CALCRL: variants seen among roughly 807,000 people sequenced by gnomAD.
The protein encoded by CALCRL is calcitonin receptor like receptor.
Under a neutral mutation model 60.4 loss-of-function variants are expected in CALCRL, and 27 were observed. The ratio of observed to expected loss-of-function variants is 0.45; its 90% confidence interval spans 0.33 to 0.62. The LOEUF is 0.62. Ranked by LOEUF, CALCRL falls within the 20% of genes least tolerant of loss-of-function variation. CALCRL has a pLI of 0.03. For synonymous variants in CALCRL, 190 were observed against 182.6 expected, an observed-to-expected ratio of 1.04 and a Z score of -0.33; for missense variants, 424 against 540.7, an observed-to-expected ratio of 0.78 and a Z score of 2.14.
intron 1 of CALCRL, among the ~76,000 whole-genome samples, chr2:187,436,417 T>A (rs975220984): frequency 6.6e-6 from 1 of 152,190 alleles, no homozygotes; most frequent in Non-Finnish European, 1.5e-5. Flanking sequence ...CCTGAGAGAC[T>A]GAGACAGATT....
intron 14 of CALCRL, among the ~76,000 whole-genome samples, chr2:187,350,394 TCAAA>T (rs1487159319): frequency 6.6e-6 from 1 of 151,424 alleles, no homozygotes; most frequent in Non-Finnish European, 1.5e-5. Flanking sequence ...AATTTTACTA[TCAAA>T]CAAATGATTT....
At chr2:187,362,935 C>T (rs886516435) in intron 9 of CALCRL, among the ~76,000 whole-genome samples, 2 of 151,918 alleles carry the variant, frequency 1.3e-5, no homozygotes, top group Admixed American at 1.3e-4. Flanking sequence ...TTTCCATGTG[C>T]GTGTACTATT....
intron 1 of CALCRL, among the ~76,000 whole-genome samples, chr2:187,443,468 T>C (rs142106243): frequency 1.3e-5 from 2 of 151,866 alleles, no homozygotes; most frequent in African/African-American, 4.8e-5. Flanking sequence ...GTGGTAAATT[T>C]TGGGTTCTTA....
At chr2:187,375,241 C>T (rs886967783) in intron 8 of CALCRL, among the ~76,000 whole-genome samples, 5 of 140,338 alleles carry the variant, frequency 3.6e-5, no homozygotes, top group African/African-American at 1.1e-4. Context: ...CACTGCAGTC[C>T]GCAGTCCGGC....
chr2:187,404,309 C>G (rs1275004426), intron 1 of CALCRL, among the ~76,000 whole-genome samples: 1 of 151,734 alleles, frequency 6.6e-6, no homozygotes, highest in African/African-American at 2.4e-5. Context: ...ACTAAAGAAG[C>G]AATAGTGTCT....
intron 5 of CALCRL, among the ~76,000 whole-genome samples, chr2:187,381,580 C>G (rs1017185173): frequency 1.3e-5 from 2 of 151,916 alleles, no homozygotes; most frequent in African/African-American, 4.8e-5. Flanking sequence ...CTCAGCCTCC[C>G]AAGTGGCTGG....
In CALCRL at chr2:187,359,223, A is replaced by G. The variant is rs747310715; in HGVS notation, c.831T>C (p.Tyr277=). 85 of 1,591,868 alleles carry G rather than the reference A, an allele frequency of 5.3e-5. No individual in the cohort carries two copies. The highest frequency in any genetic ancestry group is 6.9e-5 in the Non-Finnish European group (80 of 1,167,652). The change falls in exon 11 of 15, where the codon TAT becomes TAC. Residue 277 remains tyrosine (Y), a synonymous_variant. Transcript: ENST00000392370. ...ACIHAIARSL[Y]YNDNCWISSD... is the part of the protein sequence containing the mutation. ...AGAGATTTTCTTACTTGTCATTGTA[A>G]TATAAGCTTCTAGCAATGGCATGTA... is the stretch of plus-strand genomic sequence containing the variant.
intron 8 of CALCRL, among the ~76,000 whole-genome samples, chr2:187,367,809 A>T (rs1687360264): frequency 6.6e-6 from 1 of 152,016 alleles, no homozygotes; most frequent in Non-Finnish European, 1.5e-5. Flanking sequence ...GTGGGTCCAG[A>T]TTGTTTGTAT....
chr2:187,389,595 C>CT (rs950243461), intron 1 of CALCRL, among the ~76,000 whole-genome samples: 12 of 151,926 alleles, frequency 7.9e-5, no homozygotes, highest in Admixed American at 6.6e-4. Flanking sequence ...AGCATAGCAA[C>CT]TTTTTTTTCA....
At chr2:187,375,589 T>C (rs1320908931) in intron 8 of CALCRL, among the ~76,000 whole-genome samples, 1 of 152,198 alleles carries the variant, frequency 6.6e-6, no homozygotes, top group Non-Finnish European at 1.5e-5. Context: ...AATGCATGTA[T>C]TTATTGCACA....
intron 12 of CALCRL, among the ~76,000 whole-genome samples, chr2:187,354,288 A>G (rs1686671296): frequency 6.6e-6 from 1 of 151,964 alleles, no homozygotes; most frequent in African/African-American, 2.4e-5. Context: ...GTAAATCTAT[A>G]CAGTGGCTGT....
At chr2:187,398,854 A>G (rs1233127199) in intron 1 of CALCRL, among the ~76,000 whole-genome samples, 1 of 151,690 alleles carries the variant, frequency 6.6e-6, no homozygotes, top group African/African-American at 2.4e-5. Context: ...AGTGAAGGCA[A>G]TTAGCTGAGA....
At chr2:187,367,648 T>C (rs1291176966) in intron 8 of CALCRL, among the ~76,000 whole-genome samples, 1 of 152,104 alleles carries the variant, frequency 6.6e-6, no homozygotes, top group Non-Finnish European at 1.5e-5. Flanking sequence ...TTTTACCTAC[T>C]TTAAATTCTT....
At chr2:187,396,992 A>C (rs191657952) in intron 1 of CALCRL, among the ~76,000 whole-genome samples, 373 of 151,818 alleles carry the variant, frequency 2.5e-3, no homozygotes, top group Non-Finnish European at 4.1e-3. Context: ...TTTAAAATCC[A>C]ACTCAGTCAC....
chr2:187,359,888 ATTTC>A (rs2105725039), intron 10 of CALCRL, among the ~76,000 whole-genome samples: 1 of 152,050 alleles, frequency 6.6e-6, no homozygotes, highest in South Asian at 2.1e-4. Flanking sequence ...CTGTATATGT[ATTTC>A]TTTCTAGATA....
intron 1 of CALCRL, among the ~76,000 whole-genome samples, chr2:187,435,313 A>T (rs1690585199): frequency 6.6e-6 from 1 of 152,128 alleles, no homozygotes; most frequent in Non-Finnish European, 1.5e-5. Flanking sequence ...GAGAGGGAGC[A>T]GAAAGGTCCT....
At chr2:187,413,436 T>TTA (rs1484752333) in intron 1 of CALCRL, among the ~76,000 whole-genome samples, 1 of 152,138 alleles carries the variant, frequency 6.6e-6, no homozygotes, top group Non-Finnish European at 1.5e-5. Context: ...TCTATAACTG[T>TTA]TATATATTTT....
At chr2:187,384,798 G>A (rs765802078) in intron 4 of CALCRL, among the ~76,000 whole-genome samples, 7 of 152,052 alleles carry the variant, frequency 4.6e-5, no homozygotes, top group Non-Finnish European at 8.8e-5. Flanking sequence ...TTAGATGAGA[G>A]TATGTCTCTT....
chr2:187,422,987 G>C (rs1689949767), intron 1 of CALCRL, among the ~76,000 whole-genome samples: 1 of 151,908 alleles, frequency 6.6e-6, no homozygotes, highest in Non-Finnish European at 1.5e-5. Flanking sequence ...TCTGTGTTCA[G>C]AAATGGCATC....
Sources: gnomAD v4.1 joint callset for allele counts (sites outside exome capture counted in the v4.1 genomes callset) on GRCh38, gnomAD v4.1.1 for gene constraint, MANE v1.5 for transcripts, NCBI Gene and HGNC (gene_info 2026-07-23, HGNC 2026-07-21) for gene names.